PPM1L: variants seen among roughly 807,000 people sequenced by gnomAD.
PPM1L encodes the protein protein phosphatase 1L.
In PPM1L, 13 loss-of-function variants were observed where a neutral mutation model predicts 31.4. That is an observed-to-expected ratio of 0.41 (90% CI 0.27 to 0.66). The LOEUF (loss-of-function observed/expected upper bound fraction) is 0.66, where lower values mean the gene tolerates loss of function less well. PPM1L is among the 30% of genes least tolerant of loss of function. The probability of loss-of-function intolerance (pLI) is 0.29; values close to 1 mark genes in which losing one functional copy is unlikely to be tolerated. For missense variants in PPM1L, 326 were observed against 453.7 expected, an observed-to-expected ratio of 0.72 and a Z score of 2.56; for synonymous variants, 184 against 175.4, an observed-to-expected ratio of 1.05 and a Z score of -0.39.
chr3:161,067,328 T>A (rs1405194514), intron 3 of PPM1L, among the ~76,000 whole-genome samples: 1 of 152,244 alleles, frequency 6.6e-6, no homozygotes, highest in Non-Finnish European at 1.5e-5. Context: ...TTCTTTTACA[T>A]AATTTGATCA....
intron 1 of PPM1L, among the ~76,000 whole-genome samples, chr3:160,781,196 A>G (rs1034739925): frequency 1.3e-4 from 20 of 152,188 alleles, no homozygotes; most frequent in Admixed American, 1.3e-4. Context: ...TTTTTAGGAA[A>G]AGAATGGTTT....
intron 2 of PPM1L, among the ~76,000 whole-genome samples, chr3:160,963,168 C>T (rs1716020745): frequency 6.6e-6 from 1 of 151,946 alleles, no homozygotes; most frequent in Admixed American, 6.6e-5. Flanking sequence ...CTCATATAGT[C>T]CGCCCACTTC....
At chr3:161,058,773 C>T (rs748902803) in intron 2 of PPM1L, among the ~76,000 whole-genome samples, 3 of 151,940 alleles carry the variant, frequency 2.0e-5, no homozygotes, top group Non-Finnish European at 4.4e-5. Context: ...CTGAACAAAT[C>T]GTTATTACAA....
intron 1 of PPM1L, among the ~76,000 whole-genome samples, chr3:160,927,438 A>G (rs1714633236): frequency 6.6e-6 from 1 of 152,190 alleles, no homozygotes; most frequent in African/African-American, 2.4e-5. Flanking sequence ...AAAACCCTAC[A>G]TAGCATTTTT....
At chr3:160,867,195 T>C (rs1712122498) in intron 1 of PPM1L, among the ~76,000 whole-genome samples, 7 of 152,162 alleles carry the variant, frequency 4.6e-5, no homozygotes, top group Admixed American at 4.6e-4. Context: ...AATATGGAGT[T>C]ACTGGAAATT....
intron 2 of PPM1L, chr3:161,022,264 A>T: frequency 1.7e-6 from 1 of 597,618 alleles, no homozygotes. Context: ...CTTTGCTTTA[A>T]TATACCACTA....
At chr3:160,917,379 T>G (rs901497080) in intron 1 of PPM1L, among the ~76,000 whole-genome samples, 7 of 151,072 alleles carry the variant, frequency 4.6e-5, no homozygotes, top group Admixed American at 6.6e-5. Flanking sequence ...TGAAAGTGTT[T>G]CAACTTTTAG....
intron 2 of PPM1L, among the ~76,000 whole-genome samples, chr3:161,042,829 G>T (rs565537712): frequency 6.6e-6 from 1 of 151,940 alleles, no homozygotes; most frequent in Admixed American, 6.6e-5. Context: ...GACAAGCCTG[G>T]CCATCATGGT....
At chr3:160,783,156 C>G (rs1711796577) in intron 1 of PPM1L, among the ~76,000 whole-genome samples, 1 of 152,152 alleles carries the variant, frequency 6.6e-6, no homozygotes, top group Admixed American at 6.5e-5. Context: ...AGAAAGGCTT[C>G]AGGACCCAAT....
At chr3:160,775,167 C>T (rs2108063245) in intron 1 of PPM1L, among the ~76,000 whole-genome samples, 1 of 152,308 alleles carries the variant, frequency 6.6e-6, no homozygotes, top group South Asian at 2.1e-4. Context: ...GAAGCTCAGA[C>T]TACTATGTGC....
intron 2 of PPM1L, among the ~76,000 whole-genome samples, chr3:161,033,495 A>G (rs991959984): frequency 2.3e-4 from 35 of 152,206 alleles, no homozygotes; most frequent in African/African-American, 8.0e-4. Flanking sequence ...AAACAGAGAT[A>G]TAGACCAATG....
chr3:161,004,723 TTCTC>T (rs1175452331), intron 2 of PPM1L, among the ~76,000 whole-genome samples: 3 of 149,562 alleles, frequency 2.0e-5, no homozygotes, highest in African/African-American at 7.4e-5. Context: ...TATTTGATTC[TTCTC>T]TCTTTTTTTC....
chr3:160,831,859 G>A (rs1463741967), intron 1 of PPM1L, among the ~76,000 whole-genome samples: 1 of 152,124 alleles, frequency 6.6e-6, no homozygotes, highest in Non-Finnish European at 1.5e-5. Flanking sequence ...CATGTTCCAG[G>A]CATTGCTGGC....
intron 1 of PPM1L, among the ~76,000 whole-genome samples, chr3:160,771,416 A>AT (rs970646936): frequency 1.2e-4 from 18 of 150,478 alleles, no homozygotes; most frequent in African/African-American, 3.4e-4. Flanking sequence ...TTTTTATTTT[A>AT]TTTTTTTGTA....
intron 2 of PPM1L, among the ~76,000 whole-genome samples, chr3:161,059,227 G>A (rs543122885): frequency 6.6e-6 from 1 of 152,154 alleles, no homozygotes; most frequent in Non-Finnish European, 1.5e-5. Context: ...GGATGGTGTG[G>A]TGAGGATGGA....
chr3:160,957,510 A>G (rs967050357), intron 1 of PPM1L, among the ~76,000 whole-genome samples: 1 of 148,250 alleles, frequency 6.7e-6, no homozygotes, highest in African/African-American at 2.5e-5. Flanking sequence ...ACTAATTTAC[A>G]CTCCCACCAG....
intron 2 of PPM1L, among the ~76,000 whole-genome samples, chr3:161,063,912 C>T (rs1719648667): frequency 9.2e-5 from 14 of 152,110 alleles, no homozygotes; most frequent in Admixed American, 9.2e-4. Context: ...AGCAAAGTTA[C>T]ACTGGAACAG....
chr3:160,907,561 T>C (rs911846088), intron 1 of PPM1L, among the ~76,000 whole-genome samples: 2 of 152,226 alleles, frequency 1.3e-5, no homozygotes, highest in South Asian at 4.1e-4. Context: ...CTCTTGTATA[T>C]ATAAGTGTTT....
chr3:160,838,308 G>A (rs1713777591), intron 1 of PPM1L, among the ~76,000 whole-genome samples: 1 of 152,132 alleles, frequency 6.6e-6, no homozygotes, highest in South Asian at 2.1e-4. Flanking sequence ...ATGAGTTAAA[G>A]TGTAAAACCA....
Sources: allele counts gnomAD v4.1 joint callset (sites outside exome capture counted in the v4.1 genomes callset), GRCh38; gene constraint gnomAD v4.1.1; transcripts MANE v1.5; gene names NCBI Gene and HGNC (gene_info 2026-07-23, HGNC 2026-07-21).